Variants in ERBB4 observed in about 807,000 individuals in gnomAD.
ERBB4 encodes erb-b2 receptor tyrosine kinase 4.
ERBB4 carries 42 observed loss-of-function variants against 158.0 expected under a neutral mutation model. The observed-to-expected ratio is 0.27, with a 90% confidence interval of 0.21 to 0.34. The LOEUF (loss-of-function observed/expected upper bound fraction) is 0.34, where lower values mean the gene tolerates loss of function less well. ERBB4 is among the 10% of genes least tolerant of loss of function. The pLI is 1.00. For synonymous variants in ERBB4, 583 were observed against 558.7 expected (o/e 1.04, Z -0.61); for missense variants, 1,333 against 1,624.1 (o/e 0.82, Z 3.08).
At chr2:211,453,226 C>T (rs1171286058) in intron 20 of ERBB4, among the ~76,000 whole-genome samples, 1 of 152,140 alleles carries the variant, frequency 6.6e-6, no homozygotes, top group Non-Finnish European at 1.5e-5. Context: ...TTCATATGCT[C>T]TCATTTAGTA....
At chr2:211,416,896 G>C (rs1257767866) in intron 25 of ERBB4, among the ~76,000 whole-genome samples, 1 of 151,350 alleles carries the variant, frequency 6.6e-6, no homozygotes, top group African/African-American at 2.4e-5. Context: ...AACTGATGGA[G>C]CTGACTTTCT....
intron 2 of ERBB4, among the ~76,000 whole-genome samples, chr2:212,068,163 A>G (rs1036606001): frequency 6.6e-6 from 1 of 151,992 alleles, no homozygotes; most frequent in Non-Finnish European, 1.5e-5. Context: ...AAAGTTTTCA[A>G]TGTTTGTATG....
chr2:211,955,829 T>C (rs759083484), intron 2 of ERBB4, among the ~76,000 whole-genome samples: 1 of 152,172 alleles, frequency 6.6e-6, no homozygotes, highest in South Asian at 2.1e-4. Flanking sequence ...CTACTCCTGA[T>C]CTGAGTGCTG....
intron 20 of ERBB4, among the ~76,000 whole-genome samples, chr2:211,486,288 A>G (rs2065203047): frequency 6.6e-6 from 1 of 152,130 alleles, no homozygotes; most frequent in Non-Finnish European, 1.5e-5. Context: ...AATGAATGCT[A>G]TTAATAAATG....
intron 1 of ERBB4, among the ~76,000 whole-genome samples, chr2:212,441,370 G>T (rs188191426): frequency 2.2e-4 from 34 of 152,282 alleles, no homozygotes; most frequent in Admixed American, 2.2e-3. Flanking sequence ...CTCCCCTGAG[G>T]CAGTTGCCAG....
intron 1 of ERBB4, among the ~76,000 whole-genome samples, chr2:212,288,648 C>T (rs73066388): frequency 1.3e-5 from 2 of 152,042 alleles, no homozygotes; most frequent in Non-Finnish European, 2.9e-5. Context: ...ATCCAATAAA[C>T]CCTGTCCTGG....
intron 1 of ERBB4, among the ~76,000 whole-genome samples, chr2:212,301,337 C>T (rs2106208611): frequency 6.6e-6 from 1 of 151,380 alleles, no homozygotes; most frequent in South Asian, 2.1e-4. Context: ...ATTCATTAGG[C>T]ATATCCCAAT....
intron 2 of ERBB4, among the ~76,000 whole-genome samples, chr2:211,980,003 A>T (rs1213100843): frequency 6.6e-6 from 1 of 152,216 alleles, no homozygotes; most frequent in Non-Finnish European, 1.5e-5. Context: ...AGTTGCTAAC[A>T]TGCTGAGAGT....
chr2:212,082,088 G>C (rs1199622021), intron 2 of ERBB4, among the ~76,000 whole-genome samples: 3 of 152,158 alleles, frequency 2.0e-5, no homozygotes, highest in Admixed American at 1.3e-4. Context: ...TAATTTTTCA[G>C]TTAGTGACAC....
chr2:211,486,021 T>C (rs1166764727), intron 20 of ERBB4, among the ~76,000 whole-genome samples: 1 of 152,156 alleles, frequency 6.6e-6, no homozygotes, highest in East Asian at 1.9e-4. Context: ...TTTATGTTTT[T>C]CTGTATCTAT....
intron 3 of ERBB4, among the ~76,000 whole-genome samples, chr2:211,902,705 TA>T (rs2079269627): frequency 6.6e-6 from 1 of 151,732 alleles, no homozygotes; most frequent in African/African-American, 2.4e-5. Flanking sequence ...CTTCTATGTA[TA>T]TTTTTTTCTT....
chr2:211,861,158 A>T (rs1362472124), intron 3 of ERBB4, among the ~76,000 whole-genome samples: 15 of 38,148 alleles, frequency 3.9e-4, no homozygotes, highest in African/African-American at 1.1e-3. Flanking sequence ...ATATATATTA[A>T]AAAAAAGTAG....
At chr2:211,971,448 T>A (rs1002453683) in intron 2 of ERBB4, among the ~76,000 whole-genome samples, 3 of 152,142 alleles carry the variant, frequency 2.0e-5, no homozygotes, top group Admixed American at 6.5e-5. Flanking sequence ...CAGGACCAGA[T>A]GGATTCACAG....
intron 3 of ERBB4, among the ~76,000 whole-genome samples, chr2:211,903,485 A>G (rs987039007): frequency 6.6e-6 from 1 of 152,046 alleles, no homozygotes; most frequent in African/African-American, 2.4e-5. Context: ...CCAATTCATG[A>G]GAGTAATATA....
Position 212,413,475 on chromosome 2 carries a change from G to A in ERBB4, c.82+124974C>T, listed in dbSNP as rs376378106. The stretch of plus-strand genomic sequence containing the variant: ...ATATTTCATTTATTTAATTGGATAA[G>A]CCATTTTTAACCAAGTTTAATTTAA... On this transcript the variant is annotated intron_variant, in intron 1 of 27. Coordinates refer to ENST00000342788, the MANE Select transcript of ERBB4 (RefSeq NM_005235.3). Among the ~76,000 whole-genome samples the A allele has an allele frequency of 5.9e-5, 9 of 152,090 alleles. No individual in the cohort carries two copies. The South Asian group carries it at 8.3e-4, about 14-fold the overall frequency.
At chr2:212,378,373 A>G (rs11901958) in intron 1 of ERBB4, among the ~76,000 whole-genome samples, 259 of 152,024 alleles carry the variant, frequency 1.7e-3, no homozygotes, top group Middle Eastern at 6.8e-3. Flanking sequence ...GAGCATTAAA[A>G]TAACTGACTA....
chr2:212,424,992 A>G (rs1053154275), intron 1 of ERBB4, among the ~76,000 whole-genome samples: 1 of 152,014 alleles, frequency 6.6e-6, no homozygotes, highest in Non-Finnish European at 1.5e-5. Context: ...TTATCCATGT[A>G]TCCGTGAAGA....
chr2:212,099,621 G>A (rs914180824), intron 2 of ERBB4, among the ~76,000 whole-genome samples: 2 of 152,050 alleles, frequency 1.3e-5, no homozygotes, highest in East Asian at 1.9e-4. Context: ...AAACATATTG[G>A]TCTTGCTTTC....
At chr2:211,890,921 C>A in intron 3 of ERBB4, among the ~76,000 whole-genome samples, 1 of 83,730 alleles carries the variant, frequency 1.2e-5, no homozygotes, top group Admixed American at 1.3e-4. Flanking sequence ...CCTGAGTGAC[C>A]TACAAAGAGA....
Sources: allele counts gnomAD v4.1 joint callset (sites outside exome capture counted in the v4.1 genomes callset), GRCh38; gene constraint gnomAD v4.1.1; transcripts MANE v1.5; gene names NCBI Gene and HGNC (gene_info 2026-07-23, HGNC 2026-07-21).